Variants in TASP1 observed in about 807,000 individuals in gnomAD.
TASP1 encodes the protein threonine aspartase 1.
TASP1 carries 16 observed loss-of-function variants against 56.6 expected under a neutral mutation model. The ratio of observed to expected loss-of-function variants is 0.28; its 90% CI spans 0.19 to 0.43. The LOEUF (loss-of-function observed/expected upper bound fraction) is 0.43, where lower values mean the gene tolerates loss of function less well. TASP1 is among the 20% of genes least tolerant of loss of function. The pLI is 1.00. For missense variants in TASP1, 393 were observed against 511.6 expected, an observed-to-expected ratio of 0.77 and a Z score of 2.24; for synonymous variants, 179 against 184.2, an observed-to-expected ratio of 0.97 and a Z score of 0.23.
At chr20:13,146,529 G>A in the TASP1 span, among the ~76,000 whole-genome samples, 1 of 152,070 alleles carries the variant, frequency 6.6e-6, no homozygotes, top group Non-Finnish European at 1.5e-5. Flanking sequence ...TTAATGGCTT[G>A]CTAAAATATT....
chr20:13,526,283 TA>T (rs1194807276), intron 10 of TASP1, among the ~76,000 whole-genome samples: 1 of 152,172 alleles, frequency 6.6e-6, no homozygotes, highest in Non-Finnish European at 1.5e-5. Context: ...AAGTAATGTC[TA>T]AACAACAACC....
chr20:13,528,452 G>A lies in TASP1; in HGVS notation c.855C>T (p.Ser285=). 6.2e-7 allele frequency: 1 copy of A among 1,609,786 alleles called. No homozygotes were observed. Among genetic ancestry groups the A allele is most frequent in the Non-Finnish European group, 8.5e-7 (1 of 1,177,148 alleles). Residue 285 remains serine, a synonymous_variant, in exon 10 of 14, where the codon TCC becomes TCT. Coordinates refer to ENST00000337743, the MANE Select transcript of TASP1 (RefSeq NM_017714.3). ...AENTGAHNPY[S]TAVSTSGCGE... ...AAATACCTGAGGTACTCACAGCTGT[G>A]GAGTAGGGGTTATGAGCTCCAGTAT... is the stretch of plus-strand genomic sequence containing the variant.
At chr20:13,125,550 A>C in the TASP1 span, among the ~76,000 whole-genome samples, 1 of 152,124 alleles carries the variant, frequency 6.6e-6, no homozygotes, top group Non-Finnish European at 1.5e-5. Flanking sequence ...GCCCATCAAC[A>C]ATGTGGGCTG....
rs541871851 is a variant in TASP1 at position 13,453,423 on chromosome 20, G to A, written c.986-18269C>T. ...GGTCACATTAATCAGGGAGTTAACT[G>A]TTTAATGGAATTCCAATATGATTTT... is the stretch of plus-strand genomic sequence containing the variant. On this transcript the variant is annotated intron_variant, in intron 11 of 13. Coordinates refer to ENST00000337743, the MANE Select transcript of TASP1 (RefSeq NM_017714.3). Among the ~76,000 whole-genome samples the A allele has an allele frequency of 5.9e-5, 9 of 152,216 alleles. No individual in the cohort carries two copies. The South Asian group carries it at 1.7e-3, about 28-fold the overall frequency.
the TASP1 span, among the ~76,000 whole-genome samples, chr20:13,337,953 C>T: frequency 3.3e-5 from 5 of 152,116 alleles, no homozygotes; most frequent in Admixed American, 6.6e-5. Context: ...TTTGTCCTTA[C>T]GTTACCAGAA....
chr20:13,403,489 A>G (rs2041813190), intron 13 of TASP1, among the ~76,000 whole-genome samples: 1 of 152,214 alleles, frequency 6.6e-6, no homozygotes, highest in South Asian at 2.1e-4. Context: ...CAAATGCAGC[A>G]TCTATTACAT....
chr20:13,525,173 A>C (rs984655122), intron 10 of TASP1, among the ~76,000 whole-genome samples: 4 of 152,220 alleles, frequency 2.6e-5, no homozygotes, highest in African/African-American at 9.6e-5. Context: ...AATGAAATAC[A>C]GTAAGTATTG....
At chr20:13,613,311 T>C (rs1355953048) in intron 4 of TASP1, among the ~76,000 whole-genome samples, 1 of 152,192 alleles carries the variant, frequency 6.6e-6, no homozygotes, top group Non-Finnish European at 1.5e-5. Flanking sequence ...TATCATCCAA[T>C]TTAATATCCA....
At chr20:13,384,194 TC>T in the TASP1 span, among the ~76,000 whole-genome samples, 1 of 152,216 alleles carries the variant, frequency 6.6e-6, no homozygotes, top group African/African-American at 2.4e-5. Context: ...TGAATTTTTT[TC>T]TTTTAGGCTT....
chr20:13,202,663 T>C, the TASP1 span, among the ~76,000 whole-genome samples: 1 of 152,166 alleles, frequency 6.6e-6, no homozygotes, highest in East Asian at 1.9e-4. Flanking sequence ...CAAACCAGAA[T>C]AGGTTGAGAG....
At chr20:13,404,082 A>G (rs2041832975) in intron 13 of TASP1, among the ~76,000 whole-genome samples, 1 of 152,144 alleles carries the variant, frequency 6.6e-6, no homozygotes. Context: ...TACTGCCCCC[A>G]AATTCCCTCA....
the TASP1 span, among the ~76,000 whole-genome samples, chr20:13,382,483 C>T: frequency 6.6e-6 from 1 of 151,982 alleles, no homozygotes; most frequent in Admixed American, 6.6e-5. Context: ...CCTGTCTCTA[C>T]AAAATATAAA....
At chr20:13,504,498 T>C (rs138462960) in intron 10 of TASP1, among the ~76,000 whole-genome samples, 81 of 152,288 alleles carry the variant, frequency 5.3e-4, no homozygotes, top group African/African-American at 1.8e-3. Flanking sequence ...AAGGATGCTA[T>C]TTAGTAACAT....
the TASP1 span, among the ~76,000 whole-genome samples, chr20:13,333,882 T>C: frequency 6.6e-6 from 1 of 152,214 alleles, no homozygotes; most frequent in Non-Finnish European, 1.5e-5. Context: ...ATTATGATAC[T>C]TCCAACTGGA....
intron 8 of TASP1, among the ~76,000 whole-genome samples, chr20:13,556,777 G>A (rs1314938234): frequency 1.3e-5 from 2 of 152,278 alleles, no homozygotes; most frequent in East Asian, 3.9e-4. Flanking sequence ...TTTTTTAGAT[G>A]TCACCTCAAA....
chr20:13,311,250 TAGATA>T, the TASP1 span, among the ~76,000 whole-genome samples: 3,001 of 127,582 alleles, frequency 0.024, 36 homozygotes, highest in Middle Eastern at 0.055. Context: ...AGATGATAGA[TAGATA>T]GATAGATAGA....
chr20:13,394,552 C>A (rs927998453), intron 13 of TASP1, among the ~76,000 whole-genome samples: 1 of 151,624 alleles, frequency 6.6e-6, no homozygotes, highest in Non-Finnish European at 1.5e-5. Flanking sequence ...GCGGAGCTTG[C>A]AGTAAGCCAA....
chr20:13,409,580 CT>C (rs1212583406), intron 13 of TASP1, among the ~76,000 whole-genome samples: 1 of 151,882 alleles, frequency 6.6e-6, no homozygotes, highest in Non-Finnish European at 1.5e-5. Context: ...TCTCATTTAA[CT>C]TTTTCTATTA....
At chr20:13,359,085 A>G in the TASP1 span, among the ~76,000 whole-genome samples, 1 of 147,342 alleles carries the variant, frequency 6.8e-6, no homozygotes, top group South Asian at 2.1e-4. Context: ...CCACACCCCA[A>G]CCTCTTATCT....
Sources: allele counts gnomAD v4.1 joint callset (sites outside exome capture counted in the v4.1 genomes callset), GRCh38; gene constraint gnomAD v4.1.1; transcripts MANE v1.5; gene names NCBI Gene and HGNC (gene_info 2026-07-23, HGNC 2026-07-21).